Variants in FAM200A observed in about 807,000 individuals in gnomAD.
FAM200A encodes the protein protein FAM200A.
A neutral mutation model predicts 44.2 loss-of-function variants in FAM200A; 26 were observed. The ratio of observed to expected loss-of-function variants is 0.59; its 90% CI spans 0.43 to 0.82. The LOEUF (loss-of-function observed/expected upper bound fraction) is 0.82. Among genes scored for constraint, FAM200A ranks in the 40% least tolerant of loss-of-function variants. The pLI is 0.00. For missense variants in FAM200A, 606 were observed against 669.5 expected (o/e 0.91, Z 1.05); for synonymous variants, 206 against 244.4 (o/e 0.84, Z 1.47).
Position 99,548,234 on chromosome 7 carries a change from C to T in FAM200A, c.174G>A (p.Glu58=). ...QVLSRSTTMN[E]RALLSSYLVA... is the part of the protein sequence containing the mutation. ...CTAAATACGATGACAATAAGGCTCT[C>T]TCATTCATAGTTGTAGAGCGACTGA... Residue 58 remains glutamate, a synonymous_variant, in exon 2 of 2, where the codon GAG becomes GAA. Coordinates refer to ENST00000449309, the MANE Select transcript of FAM200A (RefSeq NM_145111.4). 1 of 1,607,900 alleles carries T rather than the reference C, an allele frequency of 6.2e-7. No individual in the cohort carries two copies. Among genetic ancestry groups the T allele is most frequent in the African/African-American group, 1.3e-5 (1 of 74,984 alleles).
chr7:99,552,015 G>A lies in FAM200A; in HGVS notation c.-261C>T, dbSNP rs1802545171. The A allele has an allele frequency of 1.0e-6, 1 of 985,648 alleles. No homozygotes were observed. The highest frequency in any genetic ancestry group is 1.2e-6 in the Non-Finnish European group (1 of 830,072). 61.1% of individuals were successfully genotyped at this position (985,648 alleles called of 1,614,324 possible). Reference sequence around the variant, plus strand: ...TCCAACTCTGTCCCCGCCCGGAGAAGTCTGGGATGCTGGGATAGAAGGGGT... The same window carrying A: ...TCCAACTCTGTCCCCGCCCGGAGAAATCTGGGATGCTGGGATAGAAGGGGT... On this transcript the variant is annotated 5_prime_UTR_variant, in exon 1 of 2. Coordinates refer to ENST00000449309, the MANE Select transcript of FAM200A (RefSeq NM_145111.4).
At position 99,546,998 on chromosome 7, in the gene FAM200A, C is replaced by T. The variant is rs997259535; in HGVS notation, c.1410G>A (p.Glu470=). The part of the protein sequence containing the change: ...NPESIIELNL[E]PEEENELLQL... ...GCAATAATTCATTCTCTTCTTCAGGCTCCAAGTTTAACTCAATTATTGATT... is the reference window on the plus strand; with the variant it reads ...GCAATAATTCATTCTCTTCTTCAGGTTCCAAGTTTAACTCAATTATTGATT... Residue 470 remains glutamate (E), a synonymous_variant, in exon 2 of 2, where the codon GAG becomes GAA. Coordinates refer to ENST00000449309, the MANE Select transcript of FAM200A (RefSeq NM_145111.4). 2 of 1,549,856 alleles carry T rather than the reference C, an allele frequency of 1.3e-6. No homozygotes were observed. The highest frequency in any genetic ancestry group is 2.7e-5 in the African/African-American group (2 of 73,006).
chr7:99,557,129 C>T (rs1802710026), intron 1 of FAM200A, among the ~76,000 whole-genome samples: 1 of 152,210 alleles, frequency 6.6e-6, no homozygotes, highest in Admixed American at 6.5e-5. Flanking sequence ...GAAAATTTTG[C>T]TCAAAAGCAA....
chr7:99,548,782 C>T (rs969056917), intron 1 of FAM200A, among the ~76,000 whole-genome samples: 1 of 150,164 alleles, frequency 6.7e-6, no homozygotes, highest in Non-Finnish European at 1.5e-5. Context: ...TAACAACCCA[C>T]AGTAAGTATA....
chr7:99,546,766 G>T lies in FAM200A; in HGVS notation c.1642C>A (p.Pro548Thr). ...GAAGATAATGCTACCCGCATATCTG[G>T]TGCACTATTGAGCCTATTTCTCTTC... Reference protein sequence around the residue: ...TKKRNRLNSAPDMRVALSSCV... With the variant: ...TKKRNRLNSATDMRVALSSCV... The change falls in exon 2 of 2, where the codon CCA (proline) becomes ACA (threonine). Residue 548 changes from proline (P) to threonine (T), a missense_variant. By Grantham distance (38) the Pro-to-Thr change is conservative. Transcript: ENST00000449309. 6.4e-7 allele frequency: 1 copy of T among 1,551,208 alleles called. No homozygotes were observed. The highest frequency in any genetic ancestry group is 1.7e-4 in the Middle Eastern group (1 of 5,988).
At chr7:99,552,196 C>A, upstream of FAM200A, 1 of 984,386 alleles carries the variant, frequency 1.0e-6, no homozygotes, top group Non-Finnish European at 1.2e-6. Context: ...GAGGACTTTG[C>A]ATCCCTGTGT....
chr7:99,553,062 T>TACAC (rs1206039971), upstream of FAM200A, among the ~76,000 whole-genome samples: 22 of 100,328 alleles, frequency 2.2e-4, no homozygotes, highest in Non-Finnish European at 3.8e-4. Flanking sequence ...TATATATATA[T>TACAC]ACACACACAT....
At chr7:99,550,884 C>T (rs985418560) in intron 1 of FAM200A, among the ~76,000 whole-genome samples, 1 of 152,096 alleles carries the variant, frequency 6.6e-6, no homozygotes, top group African/African-American at 2.4e-5. Context: ...TTTTCCCAGC[C>T]TGGCCAACAT....
chr7:99,553,087 A>G (rs958095554), upstream of FAM200A, among the ~76,000 whole-genome samples: 2 of 100,460 alleles, frequency 2.0e-5, no homozygotes, highest in Admixed American at 9.9e-5. Flanking sequence ...ATATATATAT[A>G]TATATATATA....
chr7:99,555,033 T>C (rs983010007), upstream of FAM200A, among the ~76,000 whole-genome samples: 4 of 152,146 alleles, frequency 2.6e-5, no homozygotes, highest in African/African-American at 4.8e-5. Flanking sequence ...TTATGATGGG[T>C]TGAATTGTAC....
intron 1 of FAM200A, among the ~76,000 whole-genome samples, chr7:99,549,182 A>ATTTTTTTTTTTTTTTTTTTTT (rs1443044531): frequency 0.02 from 2,755 of 137,084 alleles, 196 homozygotes; most frequent in East Asian, 0.13. Flanking sequence ...TTTCTTAAAA[A>ATTTTTTTTTTTTTTTTTTTTT]TAAGAAATTA....
At position 99,552,085 on chromosome 7, in the gene FAM200A, CT is replaced by C. The variant is rs377359281; in HGVS notation, c.-332del. The C allele has an allele frequency of 1.0e-6, 1 of 985,504 alleles. No homozygotes were observed. The highest frequency in any genetic ancestry group is 1.2e-6 in the Non-Finnish European group (1 of 829,960). The allele number at this position is 985,504 out of a possible 1,614,324, so 61.0% of individuals were successfully genotyped here. On this transcript the variant is annotated 5_prime_UTR_variant, in exon 1 of 2. Transcript: ENST00000449309. Reference sequence around the variant, plus strand: ...AGCACTAGACTCACATCCAAGCCCCCTGGCCTTCAGAGCCCAGGGAAAGCGT... The same window carrying C: ...AGCACTAGACTCACATCCAAGCCCCCGGCCTTCAGAGCCCAGGGAAAGCGT...
chr7:99,552,984 TACAC>T (rs1180891339), upstream of FAM200A, among the ~76,000 whole-genome samples: 2 of 141,710 alleles, frequency 1.4e-5, no homozygotes, highest in Middle Eastern at 3.6e-3. Context: ...TATATATATA[TACAC>T]ACATATATAT....
chr7:99,557,222 G>T (rs1469557007), intron 1 of FAM200A, among the ~76,000 whole-genome samples: 1 of 152,160 alleles, frequency 6.6e-6, no homozygotes, highest in Non-Finnish European at 1.5e-5. Context: ...GGTACCTTTT[G>T]TGGTCCTCTC....
chr7:99,552,867 C>A (rs1329741912), upstream of FAM200A, among the ~76,000 whole-genome samples: 1 of 151,558 alleles, frequency 6.6e-6, no homozygotes, highest in Non-Finnish European at 1.5e-5. Flanking sequence ...ACCTTCTAGA[C>A]CCTCACTAAT....
At chr7:99,553,702 T>C (rs2151132746), upstream of FAM200A, among the ~76,000 whole-genome samples, 1 of 152,314 alleles carries the variant, frequency 6.6e-6, no homozygotes, top group East Asian at 1.9e-4. Context: ...GACACAATAC[T>C]ATATATCCAT....
rs772733196 is a variant in FAM200A at position 99,548,367 on chromosome 7, C to G, written c.41G>C (p.Gly14Ala). ...ESRDTTDLSPGGTQEMEGIVI... is the reference protein window; with the variant it reads ...ESRDTTDLSPAGTQEMEGIVI... ...GATGCCTTCCATCTCCTGGGTACCC[C>G]CTGGAGACAAATCTGTAGTATCCCT... The change falls in exon 2 of 2, where the codon GGG becomes GCG. Residue 14 changes from glycine (G) to alanine (A), a missense_variant. Gly to Ala is a moderately conservative substitution (Grantham distance 60). Transcript: ENST00000449309. 3.1e-6 allele frequency: 5 copies of G among 1,614,026 alleles called. No homozygotes were observed. Among genetic ancestry groups the G allele is most frequent in the East Asian group, 2.2e-5 (1 of 44,874 alleles).
In FAM200A at chr7:99,546,742, A is replaced by C. The variant is rs1368377912; in HGVS notation, c.1666T>G (p.Ser556Ala). Residue 556 changes from serine (S) to alanine (A), a missense_variant, in exon 2 of 2, where the codon TCA becomes GCA. Transcript: ENST00000449309. Reference sequence around the variant, plus strand: ...AGTTCCTTCCAGTCAGGAACACATGAAGATAATGCTACCCGCATATCTGGT... The same window carrying C: ...AGTTCCTTCCAGTCAGGAACACATGCAGATAATGCTACCCGCATATCTGGT... Reference protein sequence around the residue: ...SAPDMRVALSSCVPDWKELMN... With the variant: ...SAPDMRVALSACVPDWKELMN... 5 of 1,547,644 alleles carry C rather than the reference A, an allele frequency of 3.2e-6. No individual in the cohort carries two copies. Among genetic ancestry groups the C allele is most frequent in the Non-Finnish European group, 4.4e-6 (5 of 1,145,906 alleles).
intron 1 of FAM200A, 138 bp from the exon 2 acceptor site, chr7:99,548,644 G>A: frequency 1.4e-6 from 1 of 722,038 alleles, no homozygotes; most frequent in South Asian, 2.1e-5. Flanking sequence ...TGTTGGCTGT[G>A]TGTCAGGGAG....
Sources: allele counts gnomAD v4.1 joint callset (sites outside exome capture counted in the v4.1 genomes callset), GRCh38; gene constraint gnomAD v4.1.1; transcripts MANE v1.5; gene names NCBI Gene and HGNC (gene_info 2026-07-23, HGNC 2026-07-21).